ERBB4: variants seen among roughly 807,000 people sequenced by gnomAD.
The protein encoded by ERBB4 is receptor tyrosine-protein kinase erbB-4.
Under a neutral mutation model 158.0 loss-of-function variants are expected in ERBB4, and 42 were observed. That is an observed-to-expected ratio of 0.27 (90% CI 0.21 to 0.34). The LOEUF is 0.34. Ranked by LOEUF, ERBB4 falls within the 10% of genes least tolerant of loss-of-function variation. The pLI is 1.00. For synonymous variants in ERBB4, 583 were observed against 558.7 expected, an observed-to-expected ratio of 1.04 and a Z score of -0.61; for missense variants, 1,333 against 1,624.1, an observed-to-expected ratio of 0.82 and a Z score of 3.08.
chr2:211,718,605 C>T (rs1439545435), intron 7 of ERBB4, among the ~76,000 whole-genome samples: 3 of 152,162 alleles, frequency 2.0e-5, no homozygotes, highest in Non-Finnish European at 4.4e-5. Flanking sequence ...GCATCACTAT[C>T]TCAGCCATCA....
intron 1 of ERBB4, among the ~76,000 whole-genome samples, chr2:212,171,790 A>T (rs1433201195): frequency 6.6e-6 from 1 of 152,160 alleles, no homozygotes; most frequent in Non-Finnish European, 1.5e-5. Flanking sequence ...CCCAGTCATG[A>T]GGAACTGTGG....
At chr2:211,557,326 ATAACT>A (rs1167332543) in intron 20 of ERBB4, among the ~76,000 whole-genome samples, 2 of 152,176 alleles carry the variant, frequency 1.3e-5, no homozygotes, top group African/African-American at 4.8e-5. Flanking sequence ...GAGTGAAAAG[ATAACT>A]TACAGAAAGG....
chr2:212,349,871 G>C (rs553718670), intron 1 of ERBB4, among the ~76,000 whole-genome samples: 1 of 151,926 alleles, frequency 6.6e-6, no homozygotes. Flanking sequence ...GCAAAATCAA[G>C]GTTCTGTTAA....
At chr2:211,739,685 G>C (rs1021040330) in intron 5 of ERBB4, among the ~76,000 whole-genome samples, 14 of 152,170 alleles carry the variant, frequency 9.2e-5, no homozygotes, top group African/African-American at 3.4e-4. Flanking sequence ...TGACCAGGAT[G>C]GTCTCGATCT....
intron 1 of ERBB4, among the ~76,000 whole-genome samples, chr2:212,241,426 C>A (rs1426693132): frequency 6.6e-6 from 1 of 151,922 alleles, no homozygotes; most frequent in East Asian, 1.9e-4. Context: ...TGAAACAGGT[C>A]CAAGATTTTA....
At chr2:212,452,541 A>G (rs1424261216) in intron 1 of ERBB4, among the ~76,000 whole-genome samples, 1 of 152,210 alleles carries the variant, frequency 6.6e-6, no homozygotes, top group Non-Finnish European at 1.5e-5. Flanking sequence ...AATGCGTGGG[A>G]TGACATGAGT....
chr2:211,967,415 T>C (rs1332456873), intron 2 of ERBB4, among the ~76,000 whole-genome samples: 1 of 152,106 alleles, frequency 6.6e-6, no homozygotes, highest in Non-Finnish European at 1.5e-5. Context: ...TTAGGTGACA[T>C]ATTTCAGCAA....
intron 1 of ERBB4, among the ~76,000 whole-genome samples, chr2:212,366,298 G>C (rs1030269091): frequency 2.0e-5 from 3 of 151,912 alleles, no homozygotes; most frequent in Admixed American, 1.3e-4. Context: ...TGCAAGATAG[G>C]ATTCCAAATA....
chr2:211,754,562 G>C (rs577953509), intron 4 of ERBB4, among the ~76,000 whole-genome samples: 40 of 151,946 alleles, frequency 2.6e-4, no homozygotes, highest in African/African-American at 9.4e-4. Flanking sequence ...CATACGCCCA[G>C]CTAGTTTTTG....
At chr2:211,768,690 A>T (rs1359412335) in intron 4 of ERBB4, among the ~76,000 whole-genome samples, 1 of 152,166 alleles carries the variant, frequency 6.6e-6, no homozygotes, top group African/African-American at 2.4e-5. Context: ...AATGGCCGGA[A>T]TGCAGGGCAG....
At chr2:211,472,476 C>T (rs947552278) in intron 20 of ERBB4, among the ~76,000 whole-genome samples, 11 of 151,400 alleles carry the variant, frequency 7.3e-5, no homozygotes, top group Non-Finnish European at 1.2e-4. Flanking sequence ...TCTTATAAAA[C>T]GCTATTATAT....
chr2:211,572,117 C>A (rs1049677351), intron 19 of ERBB4, among the ~76,000 whole-genome samples: 12 of 152,138 alleles, frequency 7.9e-5, no homozygotes, highest in African/African-American at 2.4e-4. Context: ...TTCATTCTGA[C>A]TCCTACTTAA....
At chr2:211,524,985 C>T (rs952367666) in intron 20 of ERBB4, among the ~76,000 whole-genome samples, 1 of 152,168 alleles carries the variant, frequency 6.6e-6, no homozygotes, top group Admixed American at 6.5e-5. Context: ...ATGCCTGCTC[C>T]CATAGGGAGC....
chr2:212,384,797 G>T (rs759662148), intron 1 of ERBB4, among the ~76,000 whole-genome samples: 5 of 150,296 alleles, frequency 3.3e-5, no homozygotes, highest in Non-Finnish European at 7.4e-5. Flanking sequence ...AAAACATCTG[G>T]CAGTTAAATT....
intron 7 of ERBB4, among the ~76,000 whole-genome samples, chr2:211,715,334 G>A (rs2106094905): frequency 6.6e-6 from 1 of 152,308 alleles, no homozygotes; most frequent in East Asian, 1.9e-4. Flanking sequence ...TTGTTGAGAT[G>A]ATATCAAAGT....
intron 27 of ERBB4, among the ~76,000 whole-genome samples, chr2:211,384,681 C>A (rs1217973257): frequency 6.6e-6 from 1 of 152,134 alleles, no homozygotes; most frequent in African/African-American, 2.4e-5. Flanking sequence ...AGCTAACATG[C>A]CTCTAGTTGA....
intron 25 of ERBB4, among the ~76,000 whole-genome samples, chr2:211,392,600 A>ACACACCCCCC (rs564067126): frequency 7.5e-6 from 1 of 133,536 alleles, no homozygotes; most frequent in African/African-American, 2.8e-5. Flanking sequence ...ACACACACAC[A>ACACACCCCCC]CCCCAATAAT....
At chr2:211,968,008 CATAG>C (rs891467830) in intron 2 of ERBB4, among the ~76,000 whole-genome samples, 3 of 151,870 alleles carry the variant, frequency 2.0e-5, no homozygotes, top group African/African-American at 7.2e-5. Flanking sequence ...ATTTAGACTA[CATAG>C]ATATATTTAG....
At chr2:212,313,828 T>C (rs2087152385) in intron 1 of ERBB4, among the ~76,000 whole-genome samples, 1 of 151,102 alleles carries the variant, frequency 6.6e-6, no homozygotes, top group African/African-American at 2.4e-5. Context: ...TTGGACCCAC[T>C]TGCAACTTTC....
Sources: allele counts gnomAD v4.1 joint callset (sites outside exome capture counted in the v4.1 genomes callset), GRCh38; gene constraint gnomAD v4.1.1; transcripts MANE v1.5; gene names NCBI Gene and HGNC (gene_info 2026-07-23, HGNC 2026-07-21).